Variants in DTNBP1 observed in about 807,000 individuals in gnomAD.
The protein encoded by DTNBP1 is dysbindin.
In DTNBP1, 35 loss-of-function variants were observed where a neutral mutation model predicts 42.8. The observed-to-expected ratio is 0.82, with a 90% CI of 0.63 to 1.09. The LOEUF (loss-of-function observed/expected upper bound fraction) is 1.09, where lower values mean the gene tolerates loss of function less well. Ranked by LOEUF, DTNBP1 falls within the 50% of genes least tolerant of loss-of-function variation. The probability of loss-of-function intolerance (pLI) is 0.00; values close to 1 mark genes in which losing one functional copy is unlikely to be tolerated. For synonymous variants in DTNBP1, 171 were observed against 162.2 expected (o/e 1.05, Z -0.41); for missense variants, 457 against 424.2 (o/e 1.08, Z -0.68).
At chr6:15,531,502 T>C (rs1454188671) in intron 8 of DTNBP1, among the ~76,000 whole-genome samples, 2 of 152,190 alleles carry the variant, frequency 1.3e-5, no homozygotes, top group African/African-American at 4.8e-5. Context: ...ATACTGTGCA[T>C]TGGAAGGTAA....
intron 5 of DTNBP1, among the ~76,000 whole-genome samples, chr6:15,621,216 A>G (rs1455772633): frequency 1.3e-5 from 2 of 152,252 alleles, no homozygotes; most frequent in Non-Finnish European, 2.9e-5. Context: ...TTTTCTGAAA[A>G]GAAACTATGT....
chr6:15,632,532 C>T (rs1257592777), intron 4 of DTNBP1, among the ~76,000 whole-genome samples: 3 of 152,226 alleles, frequency 2.0e-5, no homozygotes, highest in South Asian at 2.1e-4. Context: ...CAAAACAACT[C>T]GCACCCCCAA....
intron 4 of DTNBP1, among the ~76,000 whole-genome samples, chr6:15,634,073 A>G (rs1005431422): frequency 6.6e-6 from 1 of 152,202 alleles, no homozygotes; most frequent in Non-Finnish European, 1.5e-5. Flanking sequence ...CATACATTCA[A>G]TCTTTCTGTG....
chr6:15,643,545 G>A, intron 3 of DTNBP1, among the ~76,000 whole-genome samples: 1 of 151,858 alleles, frequency 6.6e-6, no homozygotes, highest in South Asian at 2.1e-4. Context: ...AGAGAAAAGG[G>A]CCAAATTACC....
chr6:15,569,720 G>A (rs893461525), intron 7 of DTNBP1, among the ~76,000 whole-genome samples: 1 of 152,120 alleles, frequency 6.6e-6, no homozygotes, highest in Non-Finnish European at 1.5e-5. Flanking sequence ...CACCTGCCAA[G>A]CTCTGTACTT....
chr6:15,650,180 T>C (rs755986437), intron 3 of DTNBP1, among the ~76,000 whole-genome samples: 1 of 152,172 alleles, frequency 6.6e-6, no homozygotes, highest in African/African-American at 2.4e-5. Context: ...CAGCATACCC[T>C]CTCCCACATA....
chr6:15,597,950 G>A (rs1039719109), intron 6 of DTNBP1, among the ~76,000 whole-genome samples: 4 of 152,052 alleles, frequency 2.6e-5, no homozygotes, highest in African/African-American at 9.7e-5. Flanking sequence ...TAGTTTAATA[G>A]TATTTTCAGA....
chr6:15,643,931 T>TATC (rs1760524042), intron 3 of DTNBP1, among the ~76,000 whole-genome samples: 1 of 152,002 alleles, frequency 6.6e-6, no homozygotes, highest in South Asian at 2.1e-4. Flanking sequence ...AAACTTCACA[T>TATC]ATCAATATTA....
intron 3 of DTNBP1, among the ~76,000 whole-genome samples, chr6:15,645,894 C>T (rs991037458): frequency 6.6e-6 from 1 of 152,034 alleles, no homozygotes; most frequent in African/African-American, 2.4e-5. Context: ...AGGATGTCCA[C>T]TCTCACCACT....
chr6:15,556,182 T>C (rs1426161300), intron 7 of DTNBP1, among the ~76,000 whole-genome samples: 1 of 150,952 alleles, frequency 6.6e-6, no homozygotes, highest in Non-Finnish European at 1.5e-5. Flanking sequence ...AGTTAAAAAA[T>C]CTTTTTTTTT....
intron 7 of DTNBP1, among the ~76,000 whole-genome samples, chr6:15,558,489 A>G (rs1774653349): frequency 6.6e-6 from 1 of 151,010 alleles, no homozygotes; most frequent in Admixed American, 6.6e-5. Context: ...CTGGTCTTGA[A>G]CTCCTGACCT....
intron 2 of DTNBP1, 45 bp downstream of exon 2, chr6:15,652,042 T>C (rs747817438): frequency 1.9e-6 from 3 of 1,564,558 alleles, no homozygotes; most frequent in South Asian, 2.2e-5. Context: ...AAAAGTTGTA[T>C]GAAATTTAAG....
At chr6:15,589,754 T>A (rs1331299510) in intron 7 of DTNBP1, among the ~76,000 whole-genome samples, 1 of 152,198 alleles carries the variant, frequency 6.6e-6, no homozygotes, top group African/African-American at 2.4e-5. Context: ...TCTCCAAGGA[T>A]AACCTATCTG....
chr6:15,551,799 A>G (rs1774226844), intron 7 of DTNBP1, among the ~76,000 whole-genome samples: 1 of 152,234 alleles, frequency 6.6e-6, no homozygotes, highest in South Asian at 2.1e-4. Flanking sequence ...TACTGGTAGC[A>G]ATCACTAAAT....
intron 7 of DTNBP1, chr6:15,579,747 G>T (rs1025025917): frequency 7.2e-5 from 28 of 387,350 alleles, no homozygotes; most frequent in Admixed American, 4.3e-4. Flanking sequence ...GGAGGTTGTG[G>T]TGAGCTGAGA....
chr6:15,573,654 A>C (rs189477503), intron 7 of DTNBP1, among the ~76,000 whole-genome samples: 22 of 152,204 alleles, frequency 1.4e-4, no homozygotes, highest in African/African-American at 4.6e-4. Flanking sequence ...GAAGAAAAAA[A>C]AAACAAACAA....
At chr6:15,604,479 C>T (rs1448986027) in intron 6 of DTNBP1, among the ~76,000 whole-genome samples, 1 of 152,100 alleles carries the variant, frequency 6.6e-6, no homozygotes, top group Non-Finnish European at 1.5e-5. Flanking sequence ...CTGGAGAATG[C>T]TGTTGGTTTC....
At chr6:15,606,985 T>C (rs551895801) in intron 6 of DTNBP1, among the ~76,000 whole-genome samples, 4 of 152,054 alleles carry the variant, frequency 2.6e-5, no homozygotes, top group East Asian at 1.9e-4. Flanking sequence ...AGCAAGTAAG[T>C]TGTGAAATGC....
chr6:15,613,607 C>G (rs1009033207), intron 6 of DTNBP1, among the ~76,000 whole-genome samples: 1 of 152,032 alleles, frequency 6.6e-6, no homozygotes, highest in Non-Finnish European at 1.5e-5. Flanking sequence ...ACCACATGAT[C>G]TGCCCGCCTT....
Sources: allele counts gnomAD v4.1 joint callset (sites outside exome capture counted in the v4.1 genomes callset), GRCh38; gene constraint gnomAD v4.1.1; transcripts MANE v1.5; gene names NCBI Gene and HGNC (gene_info 2026-07-23, HGNC 2026-07-21).